ADAMTS19: variants seen among roughly 807,000 people sequenced by gnomAD.
ADAMTS19 encodes A disintegrin and metalloproteinase with thrombospondin motifs 19.
ADAMTS19 carries 93 observed loss-of-function variants against 153.3 expected under a neutral mutation model. That is an observed-to-expected ratio of 0.61 (90% CI 0.51 to 0.72). ADAMTS19 has a LOEUF of 0.72. Among genes scored for constraint, ADAMTS19 ranks in the 30% least tolerant of loss-of-function variants. The probability of loss-of-function intolerance (pLI) is 0.00; values close to 1 mark genes in which losing one functional copy is unlikely to be tolerated. For missense variants in ADAMTS19, 1,482 were observed against 1,552.1 expected (o/e 0.95, Z 0.76); for synonymous variants, 600 against 556.6 (o/e 1.08, Z -1.10).
rs576742558 is a variant in ADAMTS19, at chr5:129,486,838, A to G, written c.748-22239A>G. On this transcript the variant is annotated intron_variant, in intron 2 of 22. Transcript: ENST00000274487. ...GAAGTAAAATTGTGCTTATTTGCAG[A>G]CAACATGATCATGTACATAGAAAAT... Among the ~76,000 whole-genome samples, 5 of 152,308 alleles carry G rather than the reference A, an allele frequency of 3.3e-5. No homozygotes were observed. In the South Asian group the frequency reaches 1.0e-3, roughly 32 times the overall value.
chr5:129,706,657 AAAGATTC>A, intron 21 of ADAMTS19, among the ~76,000 whole-genome samples: 1 of 152,322 alleles, frequency 6.6e-6, no homozygotes. Context: ...AAAAAACCCA[AAAGATTC>A]AAGTTTTATT....
intron 6 of ADAMTS19, among the ~76,000 whole-genome samples, chr5:129,533,306 T>C (rs1752281448): frequency 6.6e-6 from 1 of 152,166 alleles, no homozygotes; most frequent in Non-Finnish European, 1.5e-5. Flanking sequence ...TGGATACATG[T>C]GGGTTTATAC....
intron 2 of ADAMTS19, among the ~76,000 whole-genome samples, chr5:129,506,785 C>T (rs1751281425): frequency 6.6e-6 from 1 of 151,864 alleles, no homozygotes; most frequent in South Asian, 2.1e-4. Context: ...ATTAAAGTAA[C>T]AGCAAACATT....
chr5:129,519,032 C>T (rs1751702942), intron 3 of ADAMTS19, among the ~76,000 whole-genome samples: 1 of 152,120 alleles, frequency 6.6e-6, no homozygotes, highest in Admixed American at 6.6e-5. Flanking sequence ...AGAATTCCTG[C>T]TTGAGTCTTC....
rs1187608623 is a variant in ADAMTS19 at position 129,543,518 on chromosome 5, T to C, written c.1329-8346T>C. 3.9e-5 allele frequency among the ~76,000 whole-genome samples: 6 copies of C among 152,342 alleles called. No individual in the cohort carries two copies. In the East Asian group the frequency reaches 1.2e-3, roughly 29 times the overall value. ...GTGTAACATTACATTATGTCTACTG[T>C]GTTTTAGGGAAAACCTGCTCCCTTG... On this transcript the variant is annotated intron_variant, in intron 6 of 22. Coordinates refer to ENST00000274487, the MANE Select transcript of ADAMTS19 (RefSeq NM_133638.6).
chr5:129,573,262 A>G (rs1753976475), intron 7 of ADAMTS19, among the ~76,000 whole-genome samples: 1 of 152,072 alleles, frequency 6.6e-6, no homozygotes, highest in Non-Finnish European at 1.5e-5. Context: ...CTGTGTTCAA[A>G]TACATTGTTT....
At position 129,520,061 on chromosome 5, in the gene ADAMTS19, AT is replaced by A. The variant is rs774536763; in HGVS notation, c.914-6219del. On this transcript the variant is annotated intron_variant, in intron 3 of 22. Coordinates refer to ENST00000274487, the MANE Select transcript of ADAMTS19 (RefSeq NM_133638.6). Reference sequence around the variant, plus strand: ...GAGGCCGGGACCCAAGAGAATCAGCATTTTAAACATGGACCCCGAAATGTGA... The same window carrying A: ...GAGGCCGGGACCCAAGAGAATCAGCATTTAAACATGGACCCCGAAATGTGA... Among the ~76,000 whole-genome samples the A allele has an allele frequency of 2.6e-5, 4 of 152,172 alleles. No homozygotes were observed. The East Asian group carries it at 7.7e-4, about 29-fold the overall frequency.
intron 3 of ADAMTS19, among the ~76,000 whole-genome samples, chr5:129,518,342 C>A (rs1751682470): frequency 6.6e-6 from 1 of 152,038 alleles, no homozygotes. Context: ...CCTTTTCTTT[C>A]TGAATGAAGT....
In ADAMTS19 at chr5:129,461,608, G is replaced by A. The variant is rs758380394; in HGVS notation, c.598G>A (p.Glu200Lys). 2.1e-5 allele frequency: 34 copies of A among 1,591,150 alleles called. No homozygotes were observed. Among genetic ancestry groups the A allele is most frequent in the Non-Finnish European group, 2.9e-5 (34 of 1,175,800 alleles). Reference sequence around the variant, plus strand: ...CTTCCTGGCGCCGCGCTTCGCAGTGGAACAGCGGCCAAATCCCGGCCCCGG... The same window carrying A: ...CTTCCTGGCGCCGCGCTTCGCAGTGAAACAGCGGCCAAATCCCGGCCCCGG... Reference protein sequence around the residue: ...GRFLAPRFAVEQRPNPGPGPT... With the variant: ...GRFLAPRFAVKQRPNPGPGPT... The change falls in exon 2 of 23, where the codon GAA becomes AAA. Residue 200 changes from glutamate (E) to lysine (K), a missense_variant. Glu to Lys is a moderately conservative substitution (Grantham distance 56, BLOSUM62 1). Coordinates refer to ENST00000274487, the MANE Select transcript of ADAMTS19 (RefSeq NM_133638.6). The surrounding 1 kb of genome is among the most constrained non-coding windows in gnomAD (Gnocchi z 4.6).
chr5:129,678,011 C>T (rs1025942061), intron 16 of ADAMTS19, among the ~76,000 whole-genome samples: 1 of 152,092 alleles, frequency 6.6e-6, no homozygotes, highest in Non-Finnish European at 1.5e-5. Context: ...TGGGGTTTTG[C>T]CATGTTGTCC....
At position 129,571,956 on chromosome 5, in the gene ADAMTS19, T is replaced by C. The variant is rs563402520; in HGVS notation, c.1372+20049T>C. On this transcript the variant is annotated intron_variant, in intron 7 of 22. Coordinates refer to ENST00000274487, the MANE Select transcript of ADAMTS19 (RefSeq NM_133638.6). ...GTGCTTAAAAAATTGAATATCAGTA[T>C]GCAAAAGAATGACCATTATACAAAA... 1.1e-3 allele frequency among the ~76,000 whole-genome samples: 172 copies of C among 151,928 alleles called. 1 individual carries two copies. The highest frequency in any genetic ancestry group is 4.0e-3 in the African/African-American group (167 of 41,520).
chr5:129,710,791 T>C (rs1169472678), intron 21 of ADAMTS19, among the ~76,000 whole-genome samples: 2 of 152,180 alleles, frequency 1.3e-5, no homozygotes, highest in Non-Finnish European at 1.5e-5. Context: ...TGAAAGAAAT[T>C]TGAAACCTTG....
In ADAMTS19 at chr5:129,573,889, C is replaced by A. The variant is rs139749946; in HGVS notation, c.1372+21982C>A. 2.0e-4 allele frequency among the ~76,000 whole-genome samples: 30 copies of A among 151,986 alleles called. 2 individuals carry two copies. The highest frequency in any genetic ancestry group is 6.5e-4 in the African/African-American group (27 of 41,478). The stretch of plus-strand genomic sequence containing the variant: ...AATATTAAAATATGTTGATTATATC[C>A]TTGGGAAATTTAGACCATTTGAATT... On this transcript the variant is annotated intron_variant, in intron 7 of 22. Coordinates refer to ENST00000274487, the MANE Select transcript of ADAMTS19 (RefSeq NM_133638.6).
intron 7 of ADAMTS19, among the ~76,000 whole-genome samples, chr5:129,584,679 G>T (rs911257985): frequency 5.9e-5 from 9 of 152,246 alleles, no homozygotes; most frequent in African/African-American, 2.2e-4. Context: ...GAACTTCCTG[G>T]TAGCTTTGTT....
At chr5:129,467,076 T>G (rs1037235861) in intron 2 of ADAMTS19, among the ~76,000 whole-genome samples, 1 of 152,204 alleles carries the variant, frequency 6.6e-6, no homozygotes, top group African/African-American at 2.4e-5. Flanking sequence ...ATTTAATATT[T>G]AAATATTGAT....
At chr5:129,523,818 C>A (rs1561550327) in intron 3 of ADAMTS19, among the ~76,000 whole-genome samples, 1 of 151,666 alleles carries the variant, frequency 6.6e-6, no homozygotes, top group South Asian at 2.1e-4. Flanking sequence ...AGAGAGGACA[C>A]AAACAAATGA....
chr5:129,675,594 TAC>T (rs1561642651), intron 16 of ADAMTS19, among the ~76,000 whole-genome samples: 1 of 152,102 alleles, frequency 6.6e-6, no homozygotes, highest in Non-Finnish European at 1.5e-5. Context: ...ACTTTATCAT[TAC>T]AGTTATTATA....
intron 1 of ADAMTS19, 141 bp downstream of exon 1, chr5:129,460,623 G>T: frequency 1.2e-6 from 1 of 859,204 alleles, no homozygotes. Context: ...TTGAGGTGCA[G>T]GTTAAGGGGT....
intron 16 of ADAMTS19, among the ~76,000 whole-genome samples, chr5:129,674,508 C>G (rs1754467894): frequency 6.6e-6 from 1 of 152,028 alleles, no homozygotes; most frequent in Non-Finnish European, 1.5e-5. Context: ...ACTGAGTACA[C>G]TTTTTACTAT....
Sources: gnomAD v4.1 joint callset for allele counts (sites outside exome capture counted in the v4.1 genomes callset) on GRCh38, gnomAD v4.1.1 for gene constraint, Gnocchi (gnomAD v3.1) non-coding constraint, MANE v1.5 for transcripts, NCBI Gene and HGNC (gene_info 2026-07-23, HGNC 2026-07-21) for gene names.